The following HNRNPM variants were observed in gnomAD, a reference collection of about 807,000 sequenced individuals.
The protein encoded by HNRNPM is heterogeneous nuclear ribonucleoprotein M.
In HNRNPM, 11 loss-of-function variants were observed where a neutral mutation model predicts 73.1. The ratio of observed to expected loss-of-function variants is 0.15; its 90% CI spans 0.09 to 0.25. The LOEUF (loss-of-function observed/expected upper bound fraction) is 0.25, where lower values mean the gene tolerates loss of function less well. Ranked by LOEUF, HNRNPM falls within the 10% of genes least tolerant of loss-of-function variation. The pLI is 1.00. For missense variants in HNRNPM, 789 were observed against 1,067.9 expected (o/e 0.74, Z 3.64); for synonymous variants, 407 against 355.2 (o/e 1.15, Z -1.64).
intron 12 of HNRNPM, among the ~76,000 whole-genome samples, chr19:8,475,554 C>T (rs951980288): frequency 1.3e-5 from 2 of 152,156 alleles, no homozygotes; most frequent in East Asian, 1.9e-4. Context: ...GCCCTTCTTC[C>T]GGTGCACAGG....
chr19:8,447,260 C>CTT (rs33978914), intron 1 of HNRNPM, among the ~76,000 whole-genome samples: 8,389 of 142,908 alleles, frequency 0.059, 486 homozygotes, highest in African/African-American at 0.14. Flanking sequence ...CTGTGGAAAA[C>CTT]TTTTTTTTTT....
chr19:8,469,406 G>A (rs1276543556), intron 9 of HNRNPM, among the ~76,000 whole-genome samples: 3 of 152,184 alleles, frequency 2.0e-5, no homozygotes, highest in African/African-American at 7.2e-5. Flanking sequence ...TGATGAAAAT[G>A]TTCTGGAATT....
chr19:8,459,499 G>C (rs1373232448), intron 2 of HNRNPM, among the ~76,000 whole-genome samples: 2 of 152,032 alleles, frequency 1.3e-5, no homozygotes, highest in South Asian at 4.1e-4. Flanking sequence ...GCCCAATAGA[G>C]TGGCAGCCTG....
At position 8,484,855 on chromosome 19, in the gene HNRNPM, C is replaced by T. The variant is rs576219951; in HGVS notation, c.1175-748C>T. The stretch of plus-strand genomic sequence containing the variant: ...ACCCTGCTTTCCAGAGTTGCAAGCA[C>T]CACGGGTGGGGGCGTCCCTTCGTTC... On this transcript the variant is annotated intron_variant, in intron 13 of 15. Transcript: ENST00000325495. 3.9e-3 allele frequency among the ~76,000 whole-genome samples: 598 copies of T among 152,252 alleles called. 6 individuals are homozygous for T. The highest frequency in any genetic ancestry group is 6.5e-3 in the Non-Finnish European group (440 of 68,018).
intron 12 of HNRNPM, 144 bp downstream of exon 12, chr19:8,474,388 A>C: frequency 1.9e-6 from 1 of 532,462 alleles, no homozygotes; most frequent in Non-Finnish European, 3.3e-6. Flanking sequence ...AATTGCCTTA[A>C]ATATTTCAAA....
Position 8,463,573 on chromosome 19 carries a change from G to T in HNRNPM, c.345-20G>T, listed in dbSNP as rs377522694. The T allele has an allele frequency of 1.1e-5, 18 of 1,612,580 alleles. No homozygotes were observed. The highest frequency in any genetic ancestry group is 1.4e-5 in the Non-Finnish European group (17 of 1,178,728). On this transcript the variant is annotated intron_variant, in intron 4 of 15. Coordinates refer to ENST00000325495, the MANE Select transcript of HNRNPM (RefSeq NM_005968.5). ...TTGTAGGACTGGTTTCACTCGACTC[G>T]TTTCCTTTTGACTCTATAGTGTTGT...
chr19:8,486,824 C>T (rs564999009), intron 14 of HNRNPM, among the ~76,000 whole-genome samples, 200 bp from the exon 15 acceptor site: 6 of 152,202 alleles, frequency 3.9e-5, no homozygotes, highest in Non-Finnish European at 8.8e-5. Flanking sequence ...AGGCAGAGCC[C>T]CAGGGAGGGA....
At chr19:8,447,466 C>T (rs1378416810) in intron 1 of HNRNPM, among the ~76,000 whole-genome samples, 1 of 152,090 alleles carries the variant, frequency 6.6e-6, no homozygotes, top group African/African-American at 2.4e-5. Context: ...CCGCCACCTG[C>T]TGGGGGCAGG....
intron 12 of HNRNPM, among the ~76,000 whole-genome samples, chr19:8,477,115 G>T (rs1401651274): frequency 6.6e-6 from 1 of 152,042 alleles, no homozygotes; most frequent in South Asian, 2.1e-4. Flanking sequence ...TCATTACATC[G>T]CACCTATCTT....
intron 12 of HNRNPM, among the ~76,000 whole-genome samples, chr19:8,480,612 G>A (rs1364681500): frequency 2.0e-5 from 3 of 151,038 alleles, no homozygotes; most frequent in Non-Finnish European, 4.4e-5. Context: ...GCAGTGAGCC[G>A]AGATGACACC....
chr19:8,478,102 G>T (rs1354177391), intron 12 of HNRNPM, among the ~76,000 whole-genome samples: 1 of 152,216 alleles, frequency 6.6e-6, no homozygotes, highest in Non-Finnish European at 1.5e-5. Flanking sequence ...CACTGCAGGG[G>T]ACCTCTTGGT....
At chr19:8,451,548 C>G (rs1181672754) in intron 1 of HNRNPM, among the ~76,000 whole-genome samples, 2 of 151,968 alleles carry the variant, frequency 1.3e-5, no homozygotes, top group Non-Finnish European at 2.9e-5. Flanking sequence ...CTTCCCCTTC[C>G]CTTGCCGAGA....
Position 8,472,737 on chromosome 19 carries a change from C to T in HNRNPM, c.998-927C>T, listed in dbSNP as rs532236886. 4.9e-4 allele frequency among the ~76,000 whole-genome samples: 75 copies of T among 152,274 alleles called. 1 individual carries two copies. The highest frequency in any genetic ancestry group is 7.5e-4 in the Non-Finnish European group (51 of 68,028). ...AGCTGGGATTACAGGCATGTGCCAC[C>T]ACACCCAGCTAATTTTTTGTATTTA... On this transcript the variant is annotated intron_variant, in intron 10 of 15. Transcript: ENST00000325495.
At chr19:8,459,532 A>T (rs557247266) in intron 2 of HNRNPM, among the ~76,000 whole-genome samples, 1 of 152,320 alleles carries the variant, frequency 6.6e-6, no homozygotes, top group African/African-American at 2.4e-5. Flanking sequence ...TATGAGATGA[A>T]GAATGTTTGA....
At chr19:8,464,880 G>T (rs72998796) in intron 5 of HNRNPM, among the ~76,000 whole-genome samples, 8,590 of 152,242 alleles carry the variant, frequency 0.056, 371 homozygotes, top group Admixed American at 0.11. Flanking sequence ...AGGACTTGAA[G>T]GATGGGGGCG....
Position 8,486,360 on chromosome 19 carries a change from T to C in HNRNPM, c.1932T>C (p.His644=). 6.3e-7 allele frequency: 1 copy of C among 1,596,352 alleles called. No individual in the cohort carries two copies. Among genetic ancestry groups the C allele is most frequent in the Non-Finnish European group, 8.5e-7 (1 of 1,177,750 alleles). Residue 644 remains histidine, a synonymous_variant, in exon 14 of 16, where the codon CAT becomes CAC. Coordinates refer to ENST00000325495, the MANE Select transcript of HNRNPM (RefSeq NM_005968.5). ...GTTCCTTTGGTGGAGCTGGAGGCCA[T>C]GCTCCTGGGGTGGCCAGGAAGGCCT... is the stretch of plus-strand genomic sequence containing the variant. ...FAGSFGGAGG[H]APGVARKACQ... is the part of the protein sequence containing the mutation.
intron 12 of HNRNPM, among the ~76,000 whole-genome samples, chr19:8,475,201 T>A (rs775915539): frequency 2.0e-5 from 3 of 152,270 alleles, no homozygotes; most frequent in Non-Finnish European, 4.4e-5. Flanking sequence ...GAACCCAGGC[T>A]GTCTGGCTCC....
chr19:8,467,885 G>A (rs11259987), intron 8 of HNRNPM, among the ~76,000 whole-genome samples: 126,307 of 151,904 alleles, frequency 0.83, 55,747 homozygotes, highest in East Asian at 0.98. Flanking sequence ...AAAATTAGCC[G>A]GGCGTGGTGG....
At chr19:8,449,137 G>C (rs959951200) in intron 1 of HNRNPM, among the ~76,000 whole-genome samples, 1 of 152,220 alleles carries the variant, frequency 6.6e-6, no homozygotes, top group Non-Finnish European at 1.5e-5. Flanking sequence ...GGATTTTGGA[G>C]ACACGTCAGA....
Sources: gnomAD v4.1 joint callset for allele counts (sites outside exome capture counted in the v4.1 genomes callset) on GRCh38, gnomAD v4.1.1 for gene constraint, MANE v1.5 for transcripts, NCBI Gene and HGNC (gene_info 2026-07-23, HGNC 2026-07-21) for gene names.